SCAPER: variants seen among roughly 807,000 people sequenced by gnomAD.
SCAPER encodes S phase cyclin A-associated protein in the endoplasmic reticulum.
Under a neutral mutation model 182.2 loss-of-function variants are expected in SCAPER, and 98 were observed. The ratio of observed to expected loss-of-function variants is 0.54; its 90% CI spans 0.46 to 0.64. The LOEUF (loss-of-function observed/expected upper bound fraction) is 0.64. Among genes scored for constraint, SCAPER ranks in the 30% least tolerant of loss-of-function variants. The probability of loss-of-function intolerance (pLI) is 0.00; values close to 1 mark genes in which losing one functional copy is unlikely to be tolerated. For missense variants in SCAPER, 1,432 were observed against 1,690.0 expected (o/e 0.85, Z 2.68); for synonymous variants, 605 against 564.6 (o/e 1.07, Z -1.01).
chr15:76,402,860 A>C (rs1344928006), intron 27 of SCAPER, among the ~76,000 whole-genome samples: 3 of 152,130 alleles, frequency 2.0e-5, no homozygotes, highest in African/African-American at 7.2e-5. Flanking sequence ...AGTTTGGCTC[A>C]GTTGTTTTTC....
At chr15:76,791,314 A>C (rs963129780) in intron 8 of SCAPER, among the ~76,000 whole-genome samples, 1 of 152,212 alleles carries the variant, frequency 6.6e-6, no homozygotes, top group South Asian at 2.1e-4. Context: ...TTCCTGCCAA[A>C]AACAACTATA....
At chr15:76,857,144 C>T (rs187435752) in intron 4 of SCAPER, among the ~76,000 whole-genome samples, 90 of 152,132 alleles carry the variant, frequency 5.9e-4, no homozygotes, top group African/African-American at 1.6e-3. Context: ...GGAAATTAAC[C>T]GCTGAGGGCT....
intron 21 of SCAPER, among the ~76,000 whole-genome samples, chr15:76,637,346 C>T (rs1283881510): frequency 6.6e-6 from 1 of 152,106 alleles, no homozygotes; most frequent in African/African-American, 2.4e-5. Context: ...CAAGCAGATG[C>T]ACCACTTTAC....
At chr15:76,697,180 A>G (rs754676444) in intron 20 of SCAPER, among the ~76,000 whole-genome samples, 51 of 152,234 alleles carry the variant, frequency 3.4e-4, no homozygotes, top group Middle Eastern at 3.2e-3. Context: ...AAGTAGAACA[A>G]GTATGTTTAC....
intron 25 of SCAPER, among the ~76,000 whole-genome samples, chr15:76,447,313 G>GT (rs1450131913): frequency 6.6e-6 from 1 of 152,142 alleles, no homozygotes; most frequent in Middle Eastern, 3.4e-3. Flanking sequence ...ACTGGTAAAT[G>GT]TAAGTGTTTC....
chr15:76,728,093 G>C (rs906402803), intron 17 of SCAPER, among the ~76,000 whole-genome samples: 2 of 151,934 alleles, frequency 1.3e-5, no homozygotes, highest in African/African-American at 2.4e-5. Flanking sequence ...AGGGACTTAG[G>C]CTTGGCCAAT....
At chr15:76,623,609 T>C (rs1010111875) in intron 21 of SCAPER, among the ~76,000 whole-genome samples, 8 of 152,190 alleles carry the variant, frequency 5.3e-5, no homozygotes, top group Non-Finnish European at 1.2e-4. Flanking sequence ...GTCTTACGTG[T>C]CTGCTTTTGT....
chr15:76,522,978 T>C (rs897685255), intron 23 of SCAPER, among the ~76,000 whole-genome samples: 4 of 152,066 alleles, frequency 2.6e-5, no homozygotes, highest in Non-Finnish European at 5.9e-5. Flanking sequence ...AATTCTATTC[T>C]GAAAAATCCA....
chr15:76,858,821 G>T (rs927292778), intron 3 of SCAPER, among the ~76,000 whole-genome samples: 1 of 151,954 alleles, frequency 6.6e-6, no homozygotes, highest in African/African-American at 2.4e-5. Context: ...TTATGGCTAC[G>T]TAGTAGTCCA....
At chr15:76,481,247 G>C (rs1056500890) in intron 24 of SCAPER, among the ~76,000 whole-genome samples, 1 of 152,148 alleles carries the variant, frequency 6.6e-6, no homozygotes, top group Non-Finnish European at 1.5e-5. Context: ...TGGCTAAATT[G>C]CTTTATAAAT....
chr15:76,781,370 C>T (rs555015933), intron 8 of SCAPER, among the ~76,000 whole-genome samples: 11 of 152,078 alleles, frequency 7.2e-5, no homozygotes, highest in Non-Finnish European at 1.3e-4. Flanking sequence ...ACAAAGCCTC[C>T]AAGAAATATG....
At chr15:76,765,117 G>T (rs1388710837) in intron 13 of SCAPER, 45 bp from the exon 14 acceptor site, 5 of 1,352,614 alleles carry the variant, frequency 3.7e-6, no homozygotes, top group Non-Finnish European at 5.1e-6. Flanking sequence ...ATGTTTACAT[G>T]ATAAGGCCAG....
chr15:76,818,167 A>G (rs1317754501), intron 5 of SCAPER, among the ~76,000 whole-genome samples: 1 of 152,232 alleles, frequency 6.6e-6, no homozygotes, highest in East Asian at 1.9e-4. Context: ...CTGATCTTTG[A>G]CTAACGTACA....
chr15:76,869,011 G>A (rs374300261), intron 2 of SCAPER, among the ~76,000 whole-genome samples: 2 of 152,092 alleles, frequency 1.3e-5, no homozygotes, highest in African/African-American at 4.8e-5. Flanking sequence ...ACATACACCA[G>A]GGAAAGAACA....
chr15:76,764,527 T>C (rs927350611), intron 14 of SCAPER, among the ~76,000 whole-genome samples: 1 of 152,248 alleles, frequency 6.6e-6, no homozygotes, highest in Non-Finnish European at 1.5e-5. Context: ...GACAGGGCAG[T>C]AGCTTGCATT....
chr15:76,861,858 T>A (rs947872437), intron 3 of SCAPER: 3 of 152,274 alleles, frequency 2.0e-5, no homozygotes, highest in African/African-American at 7.2e-5. Context: ...TCAGCATGGC[T>A]GGGGAGGCCT....
intron 14 of SCAPER, among the ~76,000 whole-genome samples, chr15:76,759,702 C>CAA (rs1160236874): frequency 6.6e-6 from 1 of 152,106 alleles, no homozygotes; most frequent in African/African-American, 2.4e-5. Context: ...AAGTGTTTAT[C>CAA]CTGCATCTGT....
intron 21 of SCAPER, among the ~76,000 whole-genome samples, chr15:76,629,284 T>C (rs2052875741): frequency 6.6e-6 from 1 of 152,254 alleles, no homozygotes; most frequent in South Asian, 2.1e-4. Context: ...GGCCAGAACT[T>C]CTAAAACTAT....
chr15:76,358,468 T>C (rs1279973687), intron 29 of SCAPER, among the ~76,000 whole-genome samples: 1 of 152,252 alleles, frequency 6.6e-6, no homozygotes, highest in African/African-American at 2.4e-5. Context: ...TCCACAGTTC[T>C]GGAGGCTGCA....
Sources: allele counts gnomAD v4.1 joint callset (sites outside exome capture counted in the v4.1 genomes callset), GRCh38; gene constraint gnomAD v4.1.1; transcripts MANE v1.5; gene names NCBI Gene and HGNC (gene_info 2026-07-23, HGNC 2026-07-21).